Variants in SLC3A1 observed in about 807,000 individuals in gnomAD.
SLC3A1 encodes the protein amino acid transporter heavy chain SLC3A1.
A neutral mutation model predicts 60.3 loss-of-function variants in SLC3A1; 78 were observed. The ratio of observed to expected loss-of-function variants is 1.29; its 90% CI spans 1.08 to 1.56. SLC3A1 has a LOEUF of 1.56. SLC3A1 is among the 40% of genes most tolerant of loss of function. The probability of loss-of-function intolerance (pLI) is 0.00; values close to 1 mark genes in which losing one functional copy is unlikely to be tolerated. For missense variants in SLC3A1, 1,172 were observed against 858.9 expected (o/e 1.36, Z -4.56); for synonymous variants, 392 against 307.9 (o/e 1.27, Z -2.86).
rs150332692 is a variant in SLC3A1 at position 44,311,477 on chromosome 2, G to A, written c.1333-1109G>A. ...ATATTTGTTGTTGTTGTTAAAAACC[G>A]GACATTTTAAGTAGTATGACAATTC... On this transcript the variant is annotated intron_variant, in intron 7 of 9. Coordinates refer to ENST00000260649, the MANE Select transcript of SLC3A1 (RefSeq NM_000341.4). Among the ~76,000 whole-genome samples the A allele has an allele frequency of 2.9e-3, 441 of 152,016 alleles. 1 individual carries two copies. The highest frequency in any genetic ancestry group is 6.8e-3 in the Middle Eastern group (2 of 294).
intron 9 of SLC3A1, among the ~76,000 whole-genome samples, chr2:44,315,735 G>A (rs998261544): frequency 1.3e-5 from 2 of 149,414 alleles, no homozygotes; most frequent in African/African-American, 4.9e-5. Context: ...AACAGAGACA[G>A]CACTGTAGGA....
At chr2:44,317,511 C>T (rs1476575807) in intron 9 of SLC3A1, 1 of 151,676 alleles carries the variant, frequency 6.6e-6, no homozygotes, top group Non-Finnish European at 1.5e-5. Context: ...TTCAAGTGCT[C>T]ATTAGCTGCC....
chr2:44,296,955 T>C lies in SLC3A1; in HGVS notation c.892-3016T>C, dbSNP rs555993557. 2.0e-5 allele frequency among the ~76,000 whole-genome samples: 3 copies of C among 152,334 alleles called. No individual in the cohort carries two copies. In the Middle Eastern group the frequency reaches 0.01, roughly 518 times the overall value. ...ATGTGACTTTGCTCCTCATTCGCCT[T>C]CTGCCATGATTGTGAGGCCTCCCCA... On this transcript the variant is annotated intron_variant, in intron 4 of 9. Transcript: ENST00000260649.
At position 44,299,848 on chromosome 2, in the gene SLC3A1, G is replaced by A. The variant is rs372165554; in HGVS notation, c.892-123G>A. 5.3e-5 allele frequency: 53 copies of A among 1,009,476 alleles called. 1 individual carries two copies. In the African/African-American group the frequency reaches 6.8e-4, roughly 13 times the overall value. The allele number at this position is 1,009,476 out of a possible 1,614,324, so 62.5% of individuals were successfully genotyped here. A position where few individuals can be genotyped will look rare whatever the true frequency, so the allele number is the denominator to read the frequency against. On this transcript the variant is annotated intron_variant, in intron 4 of 9. Coordinates refer to ENST00000260649, the MANE Select transcript of SLC3A1 (RefSeq NM_000341.4). The stretch of plus-strand genomic sequence containing the variant: ...TAGATAAAAATAGACTGTGAATACT[G>A]TGCTTGTTCTGTATGTAGATATCTG...
intron 6 of SLC3A1, 135 bp downstream of exon 6, chr2:44,301,262 G>C: frequency 8.8e-7 from 1 of 1,135,366 alleles, no homozygotes; most frequent in Non-Finnish European, 1.3e-6. Flanking sequence ...ATTACAGTTT[G>C]GTTGTACCAG....
chr2:44,321,583 G>C, downstream of SLC3A1: 1 of 1,490,808 alleles, frequency 6.7e-7, no homozygotes, highest in Non-Finnish European at 8.9e-7. Context: ...ATTCGAGAGA[G>C]AGGCAGAAGG....
intron 9 of SLC3A1, among the ~76,000 whole-genome samples, chr2:44,315,560 G>C (rs1672408727): frequency 7.0e-6 from 1 of 142,952 alleles, no homozygotes; most frequent in South Asian, 2.2e-4. Flanking sequence ...TGTCATCCCA[G>C]CTACTCAGGA....
intron 9 of SLC3A1, chr2:44,319,025 TG>T (rs1672692227): frequency 6.6e-6 from 1 of 152,206 alleles, no homozygotes; most frequent in Non-Finnish European, 1.5e-5. Context: ...CTTATGTGAG[TG>T]GCACTGAAAC....
chr2:44,307,263 A>G (rs1672181346), intron 7 of SLC3A1, among the ~76,000 whole-genome samples: 1 of 152,112 alleles, frequency 6.6e-6, no homozygotes, highest in African/African-American at 2.4e-5. Context: ...ATTTGTTTTC[A>G]CTTTTGGACT....
In SLC3A1 at chr2:44,321,477, A is replaced by T; in HGVS notation, c.*838A>T. ...GAAACACATTAAAAAAATTAAATAG[A>T]AGGCCTTTGTAGTAAAATGCCACTG... is the stretch of plus-strand genomic sequence containing the variant. On this transcript the variant is annotated 3_prime_UTR_variant, in exon 10 of 10. Coordinates refer to ENST00000260649, the MANE Select transcript of SLC3A1 (RefSeq NM_000341.4). 3.8e-6 allele frequency: 6 copies of T among 1,596,870 alleles called. No individual in the cohort carries two copies. Among genetic ancestry groups the T allele is most frequent in the African/African-American group, 1.3e-5 (1 of 74,528 alleles).
chr2:44,297,208 C>A (rs1488580180), intron 4 of SLC3A1, among the ~76,000 whole-genome samples: 1 of 152,188 alleles, frequency 6.6e-6, no homozygotes, highest in Admixed American at 6.5e-5. Context: ...ACCTTCCATA[C>A]AGCAAGGGAT....
Position 44,304,813 on chromosome 2 carries a change from A to ATTTTTT in SLC3A1, c.1332+497_1332+502dup, listed in dbSNP as rs70965349. Reference sequence around the variant, plus strand: ...CTTCTGTACTACACTCTTGAAAACAATTTTTTTTTTTTTTTTTTTTTTTTT... The same window carrying ATTTTTT: ...CTTCTGTACTACACTCTTGAAAACAATTTTTTTTTTTTTTTTTTTTTTTTTTTTTTT... On this transcript the variant is annotated intron_variant, in intron 7 of 9. Transcript: ENST00000260649. Among the ~76,000 whole-genome samples, 260 of 85,870 alleles carry ATTTTTT rather than the reference A, an allele frequency of 3.0e-3. 17 individuals are homozygous for ATTTTTT. Among genetic ancestry groups the ATTTTTT allele is most frequent in the South Asian group, 6.0e-3 (12 of 2,004 alleles). 56.3% of individuals were successfully genotyped at this position (85,870 alleles called of 152,430 possible).
At chr2:44,300,237 C>T (rs1671968496) in intron 5 of SLC3A1, 147 bp downstream of exon 5, 1 of 864,354 alleles carries the variant, frequency 1.2e-6, no homozygotes, top group Admixed American at 2.3e-5. Flanking sequence ...AGGAAATGTG[C>T]AAGAGTTTGA....
Position 44,316,312 on chromosome 2 carries a change from G to A in SLC3A1, c.1617+2361G>A, listed in dbSNP as rs977246374. 2.6e-5 allele frequency: 4 copies of A among 152,158 alleles called. No individual in the cohort carries two copies. The South Asian group carries it at 6.2e-4, about 24-fold the overall frequency. The allele number at this position is 152,158 out of a possible 1,614,324, so 9.4% of individuals were successfully genotyped here. A position where few individuals can be genotyped will look rare whatever the true frequency, so the allele number is the denominator to read the frequency against. On this transcript the variant is annotated intron_variant, in intron 9 of 9. Coordinates refer to ENST00000260649, the MANE Select transcript of SLC3A1 (RefSeq NM_000341.4). ...CCCCAGTAGATTGCTGTTTAATGGA[G>A]CTCCTTGACATTCTTTCAAGAAGTG...
At chr2:44,281,727 G>C (rs1167806379) in intron 3 of SLC3A1, among the ~76,000 whole-genome samples, 186 bp downstream of exon 3, 2 of 152,184 alleles carry the variant, frequency 1.3e-5, no homozygotes, top group Non-Finnish European at 2.9e-5. Context: ...TTATTATTTA[G>C]ATTTCTGATT....
chr2:44,309,214 T>A (rs1558467193), intron 7 of SLC3A1, among the ~76,000 whole-genome samples: 1 of 152,178 alleles, frequency 6.6e-6, no homozygotes, highest in Non-Finnish European at 1.5e-5. Flanking sequence ...CAATAATTCC[T>A]CACTTCCACC....
chr2:44,288,967 T>C (rs1185174543), intron 4 of SLC3A1, among the ~76,000 whole-genome samples: 2 of 151,958 alleles, frequency 1.3e-5, no homozygotes, highest in East Asian at 1.9e-4. Context: ...CCTGAGTACC[T>C]GGGACTATAG....
In SLC3A1 at chr2:44,299,848, G is replaced by C. The variant is rs372165554; in HGVS notation, c.892-123G>C. On this transcript the variant is annotated intron_variant, in intron 4 of 9. Transcript: ENST00000260649. ...TAGATAAAAATAGACTGTGAATACT[G>C]TGCTTGTTCTGTATGTAGATATCTG... 8 of 1,009,358 alleles carry C rather than the reference G, an allele frequency of 7.9e-6. No homozygotes were observed. The South Asian group carries it at 1.1e-4, about 13-fold the overall frequency. 62.5% of individuals were successfully genotyped at this position (1,009,358 alleles called of 1,614,324 possible).
At chr2:44,300,152 C>T in intron 5 of SLC3A1, 62 bp downstream of exon 5, 1 of 1,542,920 alleles carries the variant, frequency 6.5e-7, no homozygotes, top group Non-Finnish European at 8.9e-7. Flanking sequence ...AGAGTGTTTT[C>T]TTTCTCAGCC....
Sources: gnomAD v4.1 joint callset for allele counts (sites outside exome capture counted in the v4.1 genomes callset) on GRCh38, gnomAD v4.1.1 for gene constraint, MANE v1.5 for transcripts, NCBI Gene and HGNC (gene_info 2026-07-23, HGNC 2026-07-21) for gene names.